The following CMTR1 variants were observed in gnomAD, a reference collection of about 807,000 sequenced individuals.
The protein encoded by CMTR1 is cap-specific mRNA (nucleoside-2'-O-)-methyltransferase 1.
Under a neutral mutation model 107.0 loss-of-function variants are expected in CMTR1, and 39 were observed. That is an observed-to-expected ratio of 0.36 (90% CI 0.28 to 0.48). The LOEUF (loss-of-function observed/expected upper bound fraction) is 0.48, where lower values mean the gene tolerates loss of function less well. CMTR1 is among the 20% of genes least tolerant of loss of function. The probability of loss-of-function intolerance (pLI) is 0.99; values close to 1 mark genes in which losing one functional copy is unlikely to be tolerated. For missense variants in CMTR1, 672 were observed against 1,064.9 expected (o/e 0.63, Z 5.14); for synonymous variants, 366 against 379.5 (o/e 0.96, Z 0.41).
chr6:37,476,610 C>A (rs1307805748), intron 20 of CMTR1, among the ~76,000 whole-genome samples: 1 of 122,010 alleles, frequency 8.2e-6, no homozygotes, highest in Non-Finnish European at 1.7e-5. Flanking sequence ...ACCCCCAGTG[C>A]TGAGGGAGAA....
intron 18 of CMTR1, 22 bp downstream of exon 18, chr6:37,474,668 G>C (rs770513364): frequency 1.1e-5 from 18 of 1,612,480 alleles, no homozygotes; most frequent in Non-Finnish European, 1.4e-5. Context: ...TTCTGCTCAG[G>C]TGTTGGCCCT....
chr6:37,428,039 AG>A, the CMTR1 span, among the ~76,000 whole-genome samples: 1 of 151,722 alleles, frequency 6.6e-6, no homozygotes, highest in Non-Finnish European at 1.5e-5. Context: ...AGAGAGAGAG[AG>A]AGAGAGAGAG....
chr6:37,439,474 C>T (rs1015421065), intron 2 of CMTR1, among the ~76,000 whole-genome samples: 2 of 152,194 alleles, frequency 1.3e-5, no homozygotes, highest in African/African-American at 2.4e-5. Context: ...ACATTAAAGG[C>T]GCCTTCCTCT....
chr6:37,453,171 A>C (rs1015326552), intron 7 of CMTR1, 30 bp downstream of exon 7: 16 of 1,612,700 alleles, frequency 9.9e-6, no homozygotes, highest in Non-Finnish European at 1.4e-5. Context: ...CCCTCCCCTG[A>C]TGCTCCCTGC....
chr6:37,431,178 A>C (rs1771358187), upstream of CMTR1, among the ~76,000 whole-genome samples: 1 of 152,186 alleles, frequency 6.6e-6, no homozygotes, highest in Non-Finnish European at 1.5e-5. Flanking sequence ...AATGCTTTAC[A>C]TAAAAATTAA....
Position 37,472,016 on chromosome 6 carries a change from C to A in CMTR1, c.1620+112C>A. 1 of 920,552 alleles carries A rather than the reference C, an allele frequency of 1.1e-6. No individual in the cohort carries two copies. Among genetic ancestry groups the A allele is most frequent in the Non-Finnish European group, 1.7e-6 (1 of 604,576 alleles). 57.0% of individuals were successfully genotyped at this position (920,552 alleles called of 1,614,324 possible). ...GTGTCTCTGCATCCAAAAATATCTGCTACCCTCACAGCATCCCAGAGGTTG... is the reference window on the plus strand; with the variant it reads ...GTGTCTCTGCATCCAAAAATATCTGATACCCTCACAGCATCCCAGAGGTTG... On this transcript the variant is annotated intron_variant, in intron 15 of 23. Transcript: ENST00000373451. This position sits in a 1 kb window ranked among gnomAD's most constrained non-coding sequence, Gnocchi z 4.1.
chr6:37,467,399 T>C (rs369534654), intron 13 of CMTR1, among the ~76,000 whole-genome samples: 1 of 152,356 alleles, frequency 6.6e-6, no homozygotes, highest in East Asian at 1.9e-4. Flanking sequence ...TGAAACTTAA[T>C]GAAGCTTATT....
At chr6:37,469,521 CTTTTTTTTTTTT>C (rs763917812) in intron 13 of CMTR1, among the ~76,000 whole-genome samples, 2 of 61,594 alleles carry the variant, frequency 3.2e-5, no homozygotes, top group African/African-American at 1.4e-4. Context: ...TTGTTTTATC[CTTTTTTTTTTTT>C]TTTTTTTTTT....
intron 22 of CMTR1, 97 bp downstream of exon 22, chr6:37,478,618 C>T (rs917406898): frequency 9.5e-5 from 91 of 955,974 alleles, no homozygotes; most frequent in Non-Finnish European, 1.4e-4. Flanking sequence ...GCGAAGGGCT[C>T]CCAGCTAAGG....
At chr6:37,439,711 C>G (rs531380718) in intron 2 of CMTR1, among the ~76,000 whole-genome samples, 6 of 152,196 alleles carry the variant, frequency 3.9e-5, no homozygotes, top group African/African-American at 1.4e-4. Flanking sequence ...TATTAAAATT[C>G]ATAATTTATT....
In CMTR1 at chr6:37,473,589, C is replaced by T; in HGVS notation, c.1809C>T (p.Leu603=). Residue 603 remains leucine, a synonymous_variant, in exon 17 of 24, where the codon CTC becomes CTT. Coordinates refer to ENST00000373451, the MANE Select transcript of CMTR1 (RefSeq NM_015050.3). ...TATCTGGCAGTGAGCAGAAGTTCCT[C>T]ATCGGCCTGGGGGTAAGTCTGCAGC... The part of the protein sequence containing the change: ...CMVSGSEQKF[L]IGLGKSQIYT... 1 of 1,613,880 alleles carries T rather than the reference C, an allele frequency of 6.2e-7. No individual in the cohort carries two copies. The highest frequency in any genetic ancestry group is 8.5e-7 in the Non-Finnish European group (1 of 1,179,876).
chr6:37,459,496 G>C, intron 9 of CMTR1, 70 bp from the exon 10 acceptor site: 1 of 1,322,158 alleles, frequency 7.6e-7, no homozygotes, highest in East Asian at 2.3e-5. Context: ...CACTGACCCA[G>C]AGCACTCGTG....
chr6:37,464,202 A>T (rs1256869185), intron 13 of CMTR1, among the ~76,000 whole-genome samples: 1 of 152,162 alleles, frequency 6.6e-6, no homozygotes, highest in East Asian at 1.9e-4. Context: ...GTAGTGGCTC[A>T]CACCTGTAAT....
intron 13 of CMTR1, among the ~76,000 whole-genome samples, chr6:37,469,818 G>A (rs967865452): frequency 2.0e-5 from 3 of 151,772 alleles, no homozygotes; most frequent in East Asian, 1.9e-4. Flanking sequence ...GTGAGCCACC[G>A]CACCTGGCCT....
At chr6:37,449,652 C>T (rs981620371) in intron 4 of CMTR1, among the ~76,000 whole-genome samples, 1 of 152,110 alleles carries the variant, frequency 6.6e-6, no homozygotes, top group African/African-American at 2.4e-5. Context: ...CCTAATGCAC[C>T]GTTTTGGCCT....
chr6:37,451,763 C>A, intron 5 of CMTR1, 43 bp from the exon 6 acceptor site: 3 of 1,419,480 alleles, frequency 2.1e-6, no homozygotes, highest in Non-Finnish European at 3.0e-6. Flanking sequence ...CCGACAATTG[C>A]AGTCACACGT....
chr6:37,429,654 A>G (rs761481689), upstream of CMTR1, among the ~76,000 whole-genome samples: 5 of 152,210 alleles, frequency 3.3e-5, no homozygotes, highest in Non-Finnish European at 7.3e-5. Context: ...TTTACCTGCT[A>G]TGATTAGCCC....
In CMTR1 at chr6:37,472,356, C is replaced by T. The variant is rs1761645136; in HGVS notation, c.1621-63C>T. ...ACCCTATCTCCTCCACCTGCATATA[C>T]TCATACACGGTCTTGGTCAAAAGGG... On this transcript the variant is annotated intron_variant, in intron 15 of 23. Transcript: ENST00000373451. This position sits in a 1 kb window ranked among gnomAD's most constrained non-coding sequence, Gnocchi z 4.1. The T allele has an allele frequency of 6.1e-6, 9 of 1,467,118 alleles. No homozygotes were observed. Among genetic ancestry groups the T allele is most frequent in the Non-Finnish European group, 8.6e-6 (9 of 1,046,442 alleles). The allele number at this position is 1,467,118 out of a possible 1,614,324, so 90.9% of individuals were successfully genotyped here.
In CMTR1 at chr6:37,451,053, A is replaced by AT. The variant is rs373718495; in HGVS notation, c.537+720dup. Reference sequence around the variant, plus strand: ...GAAAACAGTACCACTCTCCTCACTCATTTTTTTTTTGGAAATGTTATTTTT... The same window carrying AT: ...GAAAACAGTACCACTCTCCTCACTCATTTTTTTTTTTGGAAATGTTATTTTT... On this transcript the variant is annotated intron_variant, in intron 5 of 23. Coordinates refer to ENST00000373451, the MANE Select transcript of CMTR1 (RefSeq NM_015050.3). Among the ~76,000 whole-genome samples, 824 of 149,212 alleles carry AT rather than the reference A, an allele frequency of 5.5e-3. 5 individuals are homozygous for AT. The highest frequency in any genetic ancestry group is 0.019 in the African/African-American group (792 of 40,784).
Sources: gnomAD v4.1 joint callset for allele counts (sites outside exome capture counted in the v4.1 genomes callset) on GRCh38, gnomAD v4.1.1 for gene constraint, Gnocchi (gnomAD v3.1) non-coding constraint, MANE v1.5 for transcripts, NCBI Gene and HGNC (gene_info 2026-07-23, HGNC 2026-07-21) for gene names.